Variants in PIK3R6 observed in about 807,000 individuals in gnomAD.
PIK3R6 encodes phosphoinositide-3-kinase regulatory subunit 6.
Under a neutral mutation model 84.9 loss-of-function variants are expected in PIK3R6, and 91 were observed. The observed-to-expected ratio is 1.07, with a 90% CI of 0.90 to 1.28. PIK3R6 has a LOEUF of 1.28. Ranked by LOEUF, PIK3R6 falls within the 50% of genes most tolerant of loss-of-function variation. The probability of loss-of-function intolerance (pLI) is 0.00; values close to 1 mark genes in which losing one functional copy is unlikely to be tolerated. For missense variants in PIK3R6, 996 were observed against 985.1 expected (o/e 1.01, Z -0.15); for synonymous variants, 416 against 411.4 (o/e 1.01, Z -0.13).
chr17:8,846,995 G>A (rs2088829806), intron 2 of PIK3R6, among the ~76,000 whole-genome samples: 1 of 152,174 alleles, frequency 6.6e-6, no homozygotes, highest in African/African-American at 2.4e-5. Flanking sequence ...TTGGACTGTG[G>A]TGAGAGTGAG....
Position 8,829,729 on chromosome 17 carries a change from A to G in PIK3R6, c.866T>C (p.Leu289Ser). ...ACAGAGCTGCTCCTCACCGGTCCAC[A>G]AGTGGAAGGTGATGTAGGGGCTGGG... ...PLPSPYITFHLWTGEEQLWKE... is the reference protein window; with the variant it reads ...PLPSPYITFHSWTGEEQLWKE... Residue 289 changes from leucine to serine, a missense_variant, in exon 10 of 20, where the codon TTG becomes TCG. Coordinates refer to ENST00000619866, the MANE Select transcript of PIK3R6 (RefSeq NM_001010855.4). The G allele has an allele frequency of 6.4e-7, 1 of 1,553,380 alleles. No homozygotes were observed.
intron 1 of PIK3R6, among the ~76,000 whole-genome samples, chr17:8,865,497 C>G (rs1001450487): frequency 6.6e-6 from 1 of 152,236 alleles, no homozygotes; most frequent in Non-Finnish European, 1.5e-5. Context: ...GAGAGGGGAC[C>G]TGCAGAGCCT....
intron 1 of PIK3R6, among the ~76,000 whole-genome samples, chr17:8,858,833 G>A (rs1673810292): frequency 6.6e-6 from 1 of 152,188 alleles, no homozygotes; most frequent in Non-Finnish European, 1.5e-5. Flanking sequence ...CGCTCTGCTG[G>A]CCTTTTTGTA....
At position 8,839,650 on chromosome 17, in the gene PIK3R6, G is replaced by C. The variant is rs1329420458; in HGVS notation, c.61C>G (p.Leu21Val). The change falls in exon 3 of 20, where the codon CTC becomes GTC. Residue 21 changes from leucine (L) to valine (V), a missense_variant. Leu to Val is a conservative substitution (Grantham distance 32). Coordinates refer to ENST00000619866, the MANE Select transcript of PIK3R6 (RefSeq NM_001010855.4). The surrounding 1 kb of genome is among the most constrained non-coding windows in gnomAD (Gnocchi z 4.2). ...QRSVQAVLRE[L>V]STQAPALQSN... ...TGCAGGGCAGGGGCCTGGGTGCTGA[G>C]CTCCCGGAGCACAGCCTGCACGCTC... 2 of 1,580,174 alleles carry C rather than the reference G, an allele frequency of 1.3e-6. No homozygotes were observed. The highest frequency in any genetic ancestry group is 2.3e-5 in the South Asian group (2 of 86,112).
Position 8,845,861 on chromosome 17 carries a change from T to TG in PIK3R6, c.13+3920dup, listed in dbSNP as rs1012721991. Among the ~76,000 whole-genome samples the TG allele has an allele frequency of 2.6e-5, 4 of 152,170 alleles. No homozygotes were observed. In the East Asian group the frequency reaches 5.8e-4, roughly 22 times the overall value. On this transcript the variant is annotated intron_variant, in intron 2 of 19. Coordinates refer to ENST00000619866, the MANE Select transcript of PIK3R6 (RefSeq NM_001010855.4). ...CTGAGGCACGAGAATCGCTTAAACC[T>TG]GGGGGGTGGAGATTGCAGTGAGCTG... is the stretch of plus-strand genomic sequence containing the variant.
At chr17:8,826,377 C>G (rs1555532061) in intron 13 of PIK3R6, among the ~76,000 whole-genome samples, 1 of 152,080 alleles carries the variant, frequency 6.6e-6, no homozygotes, top group Non-Finnish European at 1.5e-5. Flanking sequence ...GGAACCAGCC[C>G]AAATGCCCAT....
intron 2 of PIK3R6, among the ~76,000 whole-genome samples, chr17:8,841,438 A>G (rs1222677863): frequency 6.6e-6 from 1 of 152,186 alleles, no homozygotes; most frequent in Non-Finnish European, 1.5e-5. Flanking sequence ...GTCGATGTAT[A>G]AGAATTTGAC....
At chr17:8,860,553 G>A (rs2089255707) in intron 1 of PIK3R6, among the ~76,000 whole-genome samples, 2 of 151,592 alleles carry the variant, frequency 1.3e-5, no homozygotes, top group Non-Finnish European at 2.9e-5. Flanking sequence ...AAAGGTTGGG[G>A]ACCACTGCTC....
At position 8,817,911 on chromosome 17, in the gene PIK3R6, T is replaced by G. The variant is rs113602446; in HGVS notation, c.1995+1172A>C. ...GTAGTTGGGTCATGGCAGAGTTGTT[T>G]TTTTTTTTTTCCTTTTTTTTTTCTT... On this transcript the variant is annotated intron_variant, in intron 18 of 19. Transcript: ENST00000619866. Among the ~76,000 whole-genome samples the G allele has an allele frequency of 7.5e-5, 11 of 146,956 alleles. No individual in the cohort carries two copies. The South Asian group carries it at 1.3e-3, about 17-fold the overall frequency.
At chr17:8,819,871 T>G (rs1408068489) in intron 17 of PIK3R6, among the ~76,000 whole-genome samples, 2 of 147,076 alleles carry the variant, frequency 1.4e-5, no homozygotes, top group East Asian at 3.9e-4. Context: ...CACATATATA[T>G]GTATATATAC....
intron 2 of PIK3R6, among the ~76,000 whole-genome samples, chr17:8,847,954 G>C (rs1229880964): frequency 6.6e-6 from 1 of 152,178 alleles, no homozygotes; most frequent in Non-Finnish European, 1.5e-5. Flanking sequence ...ATCCCTCCCT[G>C]CTTATTGCAG....
intron 1 of PIK3R6, among the ~76,000 whole-genome samples, chr17:8,859,429 G>C (rs1281970143): frequency 6.6e-6 from 1 of 152,174 alleles, no homozygotes; most frequent in African/African-American, 2.4e-5. Context: ...CTGTCTCACC[G>C]CCCCATGCAC....
At chr17:8,856,203 C>A (rs959017996) in intron 1 of PIK3R6, among the ~76,000 whole-genome samples, 3 of 152,218 alleles carry the variant, frequency 2.0e-5, no homozygotes, top group Admixed American at 2.0e-4. Context: ...TCTGAGATAA[C>A]TGTAAATTCC....
intron 9 of PIK3R6, among the ~76,000 whole-genome samples, chr17:8,832,632 G>A (rs1414750124): frequency 6.7e-6 from 1 of 150,146 alleles, no homozygotes; most frequent in East Asian, 2.0e-4. Context: ...TCGAAACCCT[G>A]ACCTCAGGTG....
At chr17:8,811,916 A>T (rs8081591) in intron 18 of PIK3R6, among the ~76,000 whole-genome samples, 6,237 of 147,588 alleles carry the variant, frequency 0.042, 987 homozygotes, top group African/African-American at 0.15. Context: ...GCAGCACCCC[A>T]TTCTACTGGT....
intron 18 of PIK3R6, among the ~76,000 whole-genome samples, chr17:8,816,539 A>G (rs2087549070): frequency 6.6e-6 from 1 of 152,242 alleles, no homozygotes; most frequent in Non-Finnish European, 1.5e-5. Context: ...TTAAAAAAGC[A>G]TCAAAAGACA....
intron 1 of PIK3R6, among the ~76,000 whole-genome samples, chr17:8,859,805 C>T (rs2089228756): frequency 6.6e-6 from 1 of 152,140 alleles, no homozygotes; most frequent in Non-Finnish European, 1.5e-5. Context: ...TGGAATTACA[C>T]CACTGACTTT....
intron 11 of PIK3R6, 103 bp downstream of exon 11, chr17:8,828,464 T>A: frequency 7.0e-7 from 1 of 1,421,514 alleles, no homozygotes; most frequent in Non-Finnish European, 9.5e-7. Flanking sequence ...GGCCTCTGCC[T>A]CCTGACCCTC....
intron 1 of PIK3R6, among the ~76,000 whole-genome samples, chr17:8,860,978 C>T (rs1157892086): frequency 3.9e-5 from 6 of 152,094 alleles, no homozygotes; most frequent in Admixed American, 3.9e-4. Flanking sequence ...AGGTGGATCA[C>T]AAGGTCAGGA....
Sources: allele counts gnomAD v4.1 joint callset (sites outside exome capture counted in the v4.1 genomes callset), GRCh38; gene constraint gnomAD v4.1.1; non-coding constraint Gnocchi (gnomAD v3.1); transcripts MANE v1.5; gene names NCBI Gene and HGNC (gene_info 2026-07-23, HGNC 2026-07-21).